Variants in KLF7 observed in about 807,000 individuals in gnomAD.
KLF7 encodes the protein KLF transcription factor 7.
KLF7 carries 2 observed loss-of-function variants against 27.3 expected under a neutral mutation model. The ratio of observed to expected loss-of-function variants is 0.07; its 90% confidence interval spans 0.03 to 0.23. The LOEUF is 0.23. Among genes scored for constraint, KLF7 ranks in the 10% least tolerant of loss-of-function variants. The probability of loss-of-function intolerance (pLI) is 1.00; values close to 1 mark genes in which losing one functional copy is unlikely to be tolerated. For missense variants in KLF7, 221 were observed against 394.1 expected (o/e 0.56, Z 3.72); for synonymous variants, 165 against 162.4 (o/e 1.02, Z -0.12).
chr2:207,087,268 T>C (rs967615028), intron 3 of KLF7, among the ~76,000 whole-genome samples: 2 of 151,878 alleles, frequency 1.3e-5, no homozygotes, highest in African/African-American at 4.8e-5. Context: ...CTTTATTTAG[T>C]ACTTAGAGAA....
At chr2:207,117,975 T>C (rs574618796) in intron 2 of KLF7, among the ~76,000 whole-genome samples, 3 of 152,186 alleles carry the variant, frequency 2.0e-5, no homozygotes, top group Non-Finnish European at 4.4e-5. Flanking sequence ...CTGACATCTA[T>C]GGGCACTTAA....
chr2:207,085,785 T>C (rs1259134434), intron 3 of KLF7, among the ~76,000 whole-genome samples: 1 of 151,964 alleles, frequency 6.6e-6, no homozygotes, highest in East Asian at 1.9e-4. Flanking sequence ...TGCCTTTGAG[T>C]TGTGGAGCCA....
chr2:207,118,670 C>T (rs2077255238), intron 2 of KLF7, among the ~76,000 whole-genome samples: 2 of 152,128 alleles, frequency 1.3e-5, no homozygotes, highest in African/African-American at 2.4e-5. Flanking sequence ...TCATTTTCCT[C>T]ATCTATAAAA....
At chr2:207,161,626 C>A (rs959515568) in intron 1 of KLF7, among the ~76,000 whole-genome samples, 3 of 152,194 alleles carry the variant, frequency 2.0e-5, no homozygotes, top group African/African-American at 7.2e-5. Flanking sequence ...AGACCAAATC[C>A]CATCCCTGGT....
chr2:207,096,058 C>T (rs749672910), intron 2 of KLF7, among the ~76,000 whole-genome samples: 23 of 152,258 alleles, frequency 1.5e-4, no homozygotes, highest in African/African-American at 4.8e-4. Flanking sequence ...TCATCCTTCC[C>T]GTATTTTTCT....
intron 2 of KLF7, among the ~76,000 whole-genome samples, chr2:207,104,022 C>A (rs1395061809): frequency 1.3e-5 from 2 of 152,190 alleles, no homozygotes; most frequent in Admixed American, 1.3e-4. Context: ...TAGGAGCAGA[C>A]CACCTCCAGA....
At chr2:207,094,107 A>G (rs1375154613) in intron 2 of KLF7, among the ~76,000 whole-genome samples, 1 of 152,242 alleles carries the variant, frequency 6.6e-6, no homozygotes, top group Non-Finnish European at 1.5e-5. Flanking sequence ...AGACAGCATA[A>G]GTGATATGTC....
chr2:207,120,925 A>G (rs2077322816), intron 2 of KLF7: 1 of 152,224 alleles, frequency 6.6e-6, no homozygotes, highest in African/African-American at 2.4e-5. Context: ...AATTCCAAAT[A>G]AATACTTCTG....
intron 3 of KLF7, among the ~76,000 whole-genome samples, chr2:207,086,196 T>C (rs1224773720): frequency 6.6e-6 from 1 of 152,140 alleles, no homozygotes; most frequent in Non-Finnish European, 1.5e-5. Context: ...CAGGATGCCA[T>C]GTCCTGCCAA....
At chr2:207,097,306 T>C (rs1389009624) in intron 2 of KLF7, among the ~76,000 whole-genome samples, 3 of 151,726 alleles carry the variant, frequency 2.0e-5, no homozygotes, top group African/African-American at 7.3e-5. Flanking sequence ...GAAGATTCGA[T>C]GGAACCTAGT....
In KLF7 at chr2:207,078,682, G is replaced by A. The variant is rs996797547; in HGVS notation, c.*2531C>T. 7.2e-5 allele frequency: 11 copies of A among 152,220 alleles called. 1 individual carries two copies. The highest frequency in any genetic ancestry group is 6.5e-4 in the Admixed American group (10 of 15,280). 9.4% of individuals were successfully genotyped at this position (152,220 alleles called of 1,614,324 possible). A position where few individuals can be genotyped will look rare whatever the true frequency, so the allele number is the denominator to read the frequency against. ...ATAAAGGAAAAGAAAGGAACCAACA[G>A]AATTCAGGGTGTCTAAAAGTTTCAT... On this transcript the variant is annotated 3_prime_UTR_variant, in exon 4 of 4. Coordinates refer to ENST00000309446, the MANE Select transcript of KLF7 (RefSeq NM_003709.4).
chr2:207,081,984 C>T (rs564244373), intron 3 of KLF7, among the ~76,000 whole-genome samples: 124 of 151,744 alleles, frequency 8.2e-4, no homozygotes, highest in Non-Finnish European at 1.3e-3. Flanking sequence ...AGTATTCTCA[C>T]GCTTTGTGTG....
At chr2:207,098,766 C>G (rs923898630) in intron 2 of KLF7, among the ~76,000 whole-genome samples, 2 of 147,524 alleles carry the variant, frequency 1.4e-5, no homozygotes, top group African/African-American at 5.0e-5. Context: ...CTGGTGCCAC[C>G]ACACTTGGCT....
the KLF7 span, chr2:207,173,639 G>A: frequency 6.6e-6 from 1 of 152,084 alleles, no homozygotes; most frequent in Non-Finnish European, 1.5e-5. Flanking sequence ...TAAATAAAAT[G>A]CCAAAGCCAA....
At chr2:207,155,801 T>G (rs1324727922) in intron 1 of KLF7, among the ~76,000 whole-genome samples, 1 of 152,134 alleles carries the variant, frequency 6.6e-6, no homozygotes, top group Non-Finnish European at 1.5e-5. Context: ...TTCACTAACA[T>G]GGTCTGTAGT....
At chr2:207,101,858 T>C (rs1192562191) in intron 2 of KLF7, among the ~76,000 whole-genome samples, 1 of 152,220 alleles carries the variant, frequency 6.6e-6, no homozygotes, top group South Asian at 2.1e-4. Flanking sequence ...ACATTCTATG[T>C]AGCTCCACAA....
At chr2:207,109,025 A>G (rs2076957933) in intron 2 of KLF7, among the ~76,000 whole-genome samples, 1 of 152,210 alleles carries the variant, frequency 6.6e-6, no homozygotes. Context: ...AATAAAGAGG[A>G]TTGCTAAGAT....
intron 2 of KLF7, among the ~76,000 whole-genome samples, chr2:207,098,069 G>C (rs1378217924): frequency 6.6e-6 from 1 of 152,098 alleles, no homozygotes; most frequent in African/African-American, 2.4e-5. Context: ...CTCAAGTTTT[G>C]AAACAGGTAA....
At chr2:207,133,090 C>T (rs930663925) in intron 1 of KLF7, among the ~76,000 whole-genome samples, 59 of 152,206 alleles carry the variant, frequency 3.9e-4, no homozygotes, top group African/African-American at 1.4e-3. Context: ...AGAGACAACA[C>T]TGCTTATGCA....
Sources: allele counts gnomAD v4.1 joint callset (sites outside exome capture counted in the v4.1 genomes callset), GRCh38; gene constraint gnomAD v4.1.1; transcripts MANE v1.5; gene names NCBI Gene and HGNC (gene_info 2026-07-23, HGNC 2026-07-21).